Variants in DNAH11 observed in about 807,000 individuals in gnomAD.
DNAH11 encodes the protein axonemal beta dynein heavy chain 11.
A neutral mutation model predicts 526.0 loss-of-function variants in DNAH11; 442 were observed. That is an observed-to-expected ratio of 0.84 (90% CI 0.78 to 0.91). DNAH11 has a LOEUF of 0.91. Ranked by LOEUF, DNAH11 falls within the 40% of genes least tolerant of loss-of-function variation. The pLI is 0.00. For synonymous variants in DNAH11, 2,461 were observed against 1,935.9 expected (o/e 1.27, Z -7.12); for missense variants, 6,989 against 5,448.7 (o/e 1.28, Z -8.90).
intron 40 of DNAH11, among the ~76,000 whole-genome samples, chr7:21,709,851 A>G (rs895254079): frequency 6.6e-6 from 1 of 152,174 alleles, no homozygotes; most frequent in Non-Finnish European, 1.5e-5. Context: ...CACTTTTGGC[A>G]CAAAATACTT....
intron 30 of DNAH11, among the ~76,000 whole-genome samples, chr7:21,661,404 C>G (rs938445380): frequency 6.6e-5 from 10 of 151,704 alleles, no homozygotes; most frequent in African/African-American, 2.4e-4. Flanking sequence ...TTTTGACTTC[C>G]TTTTTGATAA....
chr7:21,710,737 A>G (rs1437499286), intron 41 of DNAH11, 34 bp downstream of exon 41: 1 of 1,588,956 alleles, frequency 6.3e-7, no homozygotes. Flanking sequence ...CCTTAAATAT[A>G]ACATCCTGAG....
At chr7:21,670,021 C>A (rs1412119734) in intron 30 of DNAH11, among the ~76,000 whole-genome samples, 1 of 152,016 alleles carries the variant, frequency 6.6e-6, no homozygotes, top group Non-Finnish European at 1.5e-5. Flanking sequence ...GTTTGAAGTT[C>A]TTTTTTATAC....
Position 21,841,994 on chromosome 7 carries a change from A to T in DNAH11, c.10692-550A>T, listed in dbSNP as rs564214551. 4.6e-5 allele frequency among the ~76,000 whole-genome samples: 7 copies of T among 152,268 alleles called. No individual in the cohort carries two copies. In the East Asian group the frequency reaches 1.2e-3, roughly 25 times the overall value. Reference sequence around the variant, plus strand: ...TGCACCAAAAATTGAGTAAATAATTATCTTGTTTTTATTAACCTTTTAAAA... The same window carrying T: ...TGCACCAAAAATTGAGTAAATAATTTTCTTGTTTTTATTAACCTTTTAAAA... On this transcript the variant is annotated intron_variant, in intron 65 of 81. Transcript: ENST00000409508.
intron 63 of DNAH11, among the ~76,000 whole-genome samples, chr7:21,814,364 TTTTA>T (rs1789678322): frequency 1.3e-5 from 2 of 151,514 alleles, no homozygotes; most frequent in Non-Finnish European, 2.9e-5. Context: ...TTTTTTATTT[TTTTA>T]TTTTTATTTT....
Position 21,861,609 on chromosome 7 carries a change from T to C in DNAH11, c.11203-244T>C, listed in dbSNP as rs543747497. 3.3e-5 allele frequency among the ~76,000 whole-genome samples: 5 copies of C among 152,284 alleles called. No individual in the cohort carries two copies. In the East Asian group the frequency reaches 9.7e-4, roughly 29 times the overall value. The stretch of plus-strand genomic sequence containing the variant: ...AGTACATGGGCAGAAGGAGAGAAAA[T>C]GATGCAATTCAATTGCTTGGAAGGA... On this transcript the variant is annotated intron_variant, in intron 68 of 81. Transcript: ENST00000409508.
chr7:21,744,330 T>G (rs1786048853), intron 49 of DNAH11, 108 bp from the exon 50 acceptor site: 1 of 1,201,654 alleles, frequency 8.3e-7, no homozygotes, highest in Non-Finnish European at 1.2e-6. Context: ...TGATGATATT[T>G]CTTTTAACCA....
chr7:21,687,659 G>C (rs1783439417), intron 34 of DNAH11, 132 bp downstream of exon 34: 2 of 1,169,942 alleles, frequency 1.7e-6, no homozygotes, highest in Non-Finnish European at 2.3e-6. Flanking sequence ...TGGTCGATTT[G>C]GGGGAATTAT....
chr7:21,761,654 A>G (rs1056523610), intron 54 of DNAH11, among the ~76,000 whole-genome samples: 3 of 152,252 alleles, frequency 2.0e-5, no homozygotes, highest in East Asian at 1.9e-4. Context: ...TGCATTTCCA[A>G]CCAGCTCCTA....
intron 9 of DNAH11, among the ~76,000 whole-genome samples, chr7:21,587,470 G>C (rs762214706): frequency 6.6e-6 from 1 of 152,088 alleles, no homozygotes; most frequent in Non-Finnish European, 1.5e-5. Context: ...AATCTTATTA[G>C]CTCAAAGCAT....
chr7:21,814,714 A>T (rs1789699363), intron 63 of DNAH11, among the ~76,000 whole-genome samples: 1 of 152,114 alleles, frequency 6.6e-6, no homozygotes, highest in Non-Finnish European at 1.5e-5. Context: ...TTTCGGCTCC[A>T]TTATAATCTT....
At chr7:21,573,613 C>T (rs1185090264) in intron 8 of DNAH11, among the ~76,000 whole-genome samples, 2 of 151,984 alleles carry the variant, frequency 1.3e-5, no homozygotes, top group Non-Finnish European at 2.9e-5. Flanking sequence ...AGCTGAGTTC[C>T]TTGTACTTTG....
chr7:21,811,291 C>A (rs369075489), intron 63 of DNAH11, among the ~76,000 whole-genome samples: 2 of 151,254 alleles, frequency 1.3e-5, no homozygotes, highest in Admixed American at 6.6e-5. Flanking sequence ...GGTGAAACCC[C>A]CCCCCCTACT....
chr7:21,814,162 A>G (rs1261595061), intron 63 of DNAH11, among the ~76,000 whole-genome samples: 1 of 152,174 alleles, frequency 6.6e-6, no homozygotes, highest in East Asian at 1.9e-4. Context: ...CAAAAAATAT[A>G]GCATAAAAGA....
chr7:21,601,410 A>G lies in DNAH11; in HGVS notation c.3440A>G (p.Gln1147Arg), dbSNP rs764068188. 6 of 1,612,506 alleles carry G rather than the reference A, an allele frequency of 3.7e-6. 1 individual carries two copies. In the South Asian group the frequency reaches 6.6e-5, roughly 18 times the overall value. Reference protein sequence around the residue: ...RFVIDSLNELQEFIKETDSGL... With the variant: ...RFVIDSLNELREFIKETDSGL... Reference sequence around the variant, plus strand: ...ATATTTAATAGTCTGAATGAGCTACAAGAATTTATAAAGGAGACAGATTCC... The same window carrying G: ...ATATTTAATAGTCTGAATGAGCTACGAGAATTTATAAAGGAGACAGATTCC... Residue 1147 changes from glutamine (Q) to arginine (R), a missense_variant, in exon 18 of 82, where the codon CAA (glutamine) becomes CGA (arginine). By Grantham distance (43) the Gln-to-Arg change is conservative. Transcript: ENST00000409508.
chr7:21,824,207 A>G (rs1206353817), intron 65 of DNAH11, among the ~76,000 whole-genome samples: 1 of 152,180 alleles, frequency 6.6e-6, no homozygotes, highest in Admixed American at 6.5e-5. Context: ...TTTAATACTG[A>G]TACCTATAAA....
At chr7:21,789,808 T>TCTTTCTTGTTTCTTTC in intron 61 of DNAH11, among the ~76,000 whole-genome samples, 1 of 34,084 alleles carries the variant, frequency 2.9e-5, no homozygotes, top group African/African-American at 7.9e-5. Context: ...TTTCTTTCTT[T>TCTTTCTTGTTTCTTTC]TTTCTTTCTT....
At chr7:21,801,310 T>C in intron 62 of DNAH11, 35 bp downstream of exon 62, 1 of 1,611,198 alleles carries the variant, frequency 6.2e-7, no homozygotes, top group Non-Finnish European at 8.5e-7. Context: ...CTAACTAAAA[T>C]GTTCAGATCA....
At chr7:21,776,393 T>C (rs190290571) in intron 56 of DNAH11, among the ~76,000 whole-genome samples, 32 of 152,318 alleles carry the variant, frequency 2.1e-4, no homozygotes, top group Admixed American at 1.2e-3. Flanking sequence ...TGGTTTCCTA[T>C]GTGGAGAATT....
Sources: gnomAD v4.1 joint callset for allele counts (sites outside exome capture counted in the v4.1 genomes callset) on GRCh38, gnomAD v4.1.1 for gene constraint, MANE v1.5 for transcripts, NCBI Gene and HGNC (gene_info 2026-07-23, HGNC 2026-07-21) for gene names.